Variants in PRR16 observed in about 807,000 individuals in gnomAD.
PRR16 encodes the protein protein Largen.
Under a neutral mutation model 18.2 loss-of-function variants are expected in PRR16, and 6 were observed. The ratio of observed to expected loss-of-function variants is 0.33; its 90% CI spans 0.18 to 0.65. The LOEUF (loss-of-function observed/expected upper bound fraction) is 0.65, where lower values mean the gene tolerates loss of function less well. Ranked by LOEUF, PRR16 falls within the 30% of genes least tolerant of loss-of-function variation. The pLI is 0.74. For synonymous variants in PRR16, 151 were observed against 147.8 expected (o/e 1.02, Z -0.16); for missense variants, 412 against 376.6 (o/e 1.09, Z -0.78).
At chr5:120,784,461 T>G in the PRR16 span, among the ~76,000 whole-genome samples, 1 of 152,218 alleles carries the variant, frequency 6.6e-6, no homozygotes, top group Non-Finnish European at 1.5e-5. Flanking sequence ...TGATTATATA[T>G]GTTGAGCATA....
intron 1 of PRR16, among the ~76,000 whole-genome samples, chr5:120,669,898 A>G (rs1756537511): frequency 3.3e-5 from 5 of 152,078 alleles, no homozygotes; most frequent in Admixed American, 2.6e-4. Context: ...GATTTTTTTT[A>G]ACTAATGATA....
At chr5:120,464,291 C>A, upstream of PRR16, 1 of 400,404 alleles carries the variant, frequency 2.5e-6, no homozygotes, top group Non-Finnish European at 4.1e-6. Context: ...CCGAGCGCCG[C>A]GTCTCGGGAG....
At chr5:120,709,464 T>C in the PRR16 span, among the ~76,000 whole-genome samples, 2 of 152,216 alleles carry the variant, frequency 1.3e-5, no homozygotes, top group Non-Finnish European at 2.9e-5. Flanking sequence ...GCTCATCATC[T>C]CAAATATTTA....
chr5:120,760,287 T>G, the PRR16 span, among the ~76,000 whole-genome samples: 1 of 152,078 alleles, frequency 6.6e-6, no homozygotes, highest in Non-Finnish European at 1.5e-5. Flanking sequence ...TTAAATTAAT[T>G]TATATAAATA....
intron 1 of PRR16, among the ~76,000 whole-genome samples, chr5:120,526,140 C>T (rs1405566491): frequency 6.6e-6 from 1 of 152,056 alleles, no homozygotes; most frequent in Non-Finnish European, 1.5e-5. Flanking sequence ...GTATGAGCTG[C>T]AGAGTTGAAA....
intron 1 of PRR16, among the ~76,000 whole-genome samples, chr5:120,465,888 C>T (rs1447407367): frequency 6.6e-6 from 1 of 152,170 alleles, no homozygotes. Context: ...AGAGATTAAC[C>T]TCCTGTATTC....
intron 1 of PRR16, among the ~76,000 whole-genome samples, chr5:120,637,883 T>G (rs1580816386): frequency 6.6e-6 from 1 of 152,234 alleles, no homozygotes; most frequent in Non-Finnish European, 1.5e-5. Context: ...ATTTTTGAAT[T>G]CCTTAAAGGT....
intron 1 of PRR16, among the ~76,000 whole-genome samples, chr5:120,676,432 A>G (rs1196206143): frequency 6.6e-6 from 1 of 152,048 alleles, no homozygotes; most frequent in African/African-American, 2.4e-5. Flanking sequence ...CCCTTGGTAT[A>G]GCAGAGCAGA....
chr5:120,633,375 A>G (rs138799013), intron 1 of PRR16, among the ~76,000 whole-genome samples: 1 of 152,310 alleles, frequency 6.6e-6, no homozygotes, highest in African/African-American at 2.4e-5. Context: ...ACACCTCAAT[A>G]CTAAAGTTGA....
chr5:120,599,580 C>A (rs1402194814), intron 1 of PRR16, among the ~76,000 whole-genome samples: 1 of 151,858 alleles, frequency 6.6e-6, no homozygotes, highest in Non-Finnish European at 1.5e-5. Context: ...TCACAGTATT[C>A]TAAAACATCT....
chr5:120,736,016 A>G, the PRR16 span, among the ~76,000 whole-genome samples: 3 of 152,116 alleles, frequency 2.0e-5, no homozygotes, highest in Non-Finnish European at 4.4e-5. Context: ...TAAGGATCCA[A>G]TTATTTTCTT....
At chr5:120,525,254 G>C (rs1751311172) in intron 1 of PRR16, among the ~76,000 whole-genome samples, 1 of 152,090 alleles carries the variant, frequency 6.6e-6, no homozygotes, top group Non-Finnish European at 1.5e-5. Context: ...AAATTCACCA[G>C]ACTCTTTTCA....
chr5:120,544,015 A>T (rs942088396), intron 1 of PRR16, among the ~76,000 whole-genome samples: 1 of 152,144 alleles, frequency 6.6e-6, no homozygotes, highest in East Asian at 1.9e-4. Context: ...GGCTGTGGAG[A>T]TAATCTAGGC....
the PRR16 span, among the ~76,000 whole-genome samples, chr5:120,745,613 C>G: frequency 6.6e-6 from 1 of 151,678 alleles, no homozygotes; most frequent in African/African-American, 2.4e-5. Flanking sequence ...TTTATGGCCT[C>G]CAGTGTATTA....
At chr5:120,527,206 A>G (rs184971555) in intron 1 of PRR16, among the ~76,000 whole-genome samples, 1 of 152,326 alleles carries the variant, frequency 6.6e-6, no homozygotes, top group African/African-American at 2.4e-5. Context: ...TAACAAACAA[A>G]TTTCCACAAT....
chr5:120,631,167 C>T (rs115177906), intron 1 of PRR16, among the ~76,000 whole-genome samples: 4,861 of 152,110 alleles, frequency 0.032, 175 homozygotes, highest in African/African-American at 0.084. Context: ...TATATCATGA[C>T]AGTAAAATAA....
At chr5:120,607,315 C>A (rs1415198387) in intron 1 of PRR16, among the ~76,000 whole-genome samples, 3 of 152,002 alleles carry the variant, frequency 2.0e-5, no homozygotes, top group Non-Finnish European at 4.4e-5. Context: ...TTTTTATATA[C>A]TCTGTTTCAC....
At chr5:120,676,387 C>T (rs1356291955) in intron 1 of PRR16, among the ~76,000 whole-genome samples, 3 of 152,074 alleles carry the variant, frequency 2.0e-5, no homozygotes, top group South Asian at 2.1e-4. Context: ...GGCGGGGCCC[C>T]GTTCCTGAAT....
intron 1 of PRR16, among the ~76,000 whole-genome samples, chr5:120,525,602 C>A (rs1471320142): frequency 6.8e-6 from 1 of 146,782 alleles, no homozygotes; most frequent in Non-Finnish European, 1.5e-5. Flanking sequence ...GTAGCAACAT[C>A]AATATTGCTT....
Sources: gnomAD v4.1 joint callset for allele counts (sites outside exome capture counted in the v4.1 genomes callset) on GRCh38, gnomAD v4.1.1 for gene constraint, MANE v1.5 for transcripts, NCBI Gene and HGNC (gene_info 2026-07-23, HGNC 2026-07-21) for gene names.